Variants in NCKAP1 observed in about 807,000 individuals in gnomAD.
NCKAP1 encodes the protein nck-associated protein 1.
Under a neutral mutation model 151.2 loss-of-function variants are expected in NCKAP1, and 21 were observed. The ratio of observed to expected loss-of-function variants is 0.14; its 90% confidence interval spans 0.10 to 0.20. The LOEUF is 0.20. Ranked by LOEUF, NCKAP1 falls within the 10% of genes least tolerant of loss-of-function variation. NCKAP1 has a pLI of 1.00. For missense variants in NCKAP1, 933 were observed against 1,352.1 expected (o/e 0.69, Z 4.86); for synonymous variants, 484 against 451.8 (o/e 1.07, Z -0.90).
chr2:182,972,604 T>C (rs1168862614), intron 15 of NCKAP1, among the ~76,000 whole-genome samples: 2 of 152,098 alleles, frequency 1.3e-5, no homozygotes, highest in African/African-American at 4.8e-5. Context: ...TGAAGAAGTA[T>C]TTGCACTCCC....
chr2:183,010,343 G>A (rs1270282278), intron 2 of NCKAP1, among the ~76,000 whole-genome samples: 8 of 152,200 alleles, frequency 5.3e-5, no homozygotes, highest in African/African-American at 9.7e-5. Context: ...CTGAGATATC[G>A]TATCACATAG....
chr2:183,020,977 A>C (rs1186376823), intron 2 of NCKAP1, among the ~76,000 whole-genome samples: 1 of 152,222 alleles, frequency 6.6e-6, no homozygotes, highest in East Asian at 1.9e-4. Flanking sequence ...ACAGAGTAGC[A>C]TTACAAAGAA....
At position 182,932,926 on chromosome 2, in the gene NCKAP1, T is replaced by TTGCGC. The variant is rs2105802252; in HGVS notation, c.2859+1825_2859+1826insGCGCA. ...AAGACAATCACTGATCTCAAATGTTTATTCTGCACAAAACACTGTAAGAGA... is the reference window on the plus strand; with the variant it reads ...AAGACAATCACTGATCTCAAATGTTTTGCGCATTCTGCACAAAACACTGTAAGAGA... On this transcript the variant is annotated intron_variant, in intron 26 of 30. Transcript: ENST00000361354. Among the ~76,000 whole-genome samples the TTGCGC allele has an allele frequency of 2.6e-5, 4 of 152,292 alleles. No homozygotes were observed. In the South Asian group the frequency reaches 8.3e-4, roughly 32 times the overall value.
At chr2:182,987,597 G>A (rs563166674) in intron 9 of NCKAP1, among the ~76,000 whole-genome samples, 1 of 152,190 alleles carries the variant, frequency 6.6e-6, no homozygotes, top group South Asian at 2.1e-4. Context: ...TCAATATACA[G>A]AGGCTAACTG....
rs1407327759 is a variant in NCKAP1, at chr2:183,032,366, T to C, written c.108+5626A>G. ...ATTACTATTTTATACTCTAACACAG[T>C]CATGCATTGCTTAATGTCATCAGAT... is the stretch of plus-strand genomic sequence containing the variant. On this transcript the variant is annotated intron_variant, in intron 1 of 30. Coordinates refer to ENST00000361354, the MANE Select transcript of NCKAP1 (RefSeq NM_013436.5). Among the ~76,000 whole-genome samples the C allele has an allele frequency of 2.6e-5, 4 of 152,216 alleles. 1 individual carries two copies.
intron 15 of NCKAP1, 45 bp from the exon 16 acceptor site, chr2:182,967,406 G>A (rs889110487): frequency 2.0e-6 from 3 of 1,509,196 alleles, no homozygotes; most frequent in South Asian, 1.2e-5. Flanking sequence ...AAACATAAAT[G>A]ACTTCGGACT....
At chr2:182,991,527 C>A (rs1698170613) in intron 8 of NCKAP1, among the ~76,000 whole-genome samples, 2 of 151,612 alleles carry the variant, frequency 1.3e-5, no homozygotes, top group Non-Finnish European at 2.9e-5. Flanking sequence ...CCACTGCACT[C>A]CAGCCTGGGT....
Position 183,002,203 on chromosome 2 carries a change from G to C in NCKAP1, c.436C>G (p.Leu146Val). 2 of 1,584,844 alleles carry C rather than the reference G, an allele frequency of 1.3e-6. No homozygotes were observed. The highest frequency in any genetic ancestry group is 1.7e-6 in the Non-Finnish European group (2 of 1,153,674). Residue 146 changes from leucine to valine, a missense_variant, in exon 5 of 31, where the codon CTG becomes GTG. Physicochemically the swap from Leu to Val is conservative, Grantham distance 32. Transcript: ENST00000361354. ...LIITYTTLMILLSRIEERKAI... is the reference protein window; with the variant it reads ...LIITYTTLMIVLSRIEERKAI... ...TTCCTTTCTTCAATTCGAGACAGCA[G>C]TATCATTAGTGTTGTATAGGTTATA...
Position 182,988,912 on chromosome 2 carries a change from T to C in NCKAP1, c.947+118A>G, listed in dbSNP as rs563299858. 3.3e-5 allele frequency: 24 copies of C among 729,438 alleles called. No homozygotes were observed. In the African/African-American group the frequency reaches 3.8e-4, roughly 11 times the overall value. The allele number at this position is 729,438 out of a possible 1,614,324, so 45.2% of individuals were successfully genotyped here. A position where few individuals can be genotyped will look rare whatever the true frequency, so the allele number is the denominator to read the frequency against. The stretch of plus-strand genomic sequence containing the variant: ...ACAACTTCCTGGGATCCAAGTCAGA[T>C]GGTATAGGCTGTATCTTCCTGCACA... On this transcript the variant is annotated intron_variant, in intron 9 of 30. Coordinates refer to ENST00000361354, the MANE Select transcript of NCKAP1 (RefSeq NM_013436.5).
At chr2:182,980,936 T>C (rs1697925015) in intron 13 of NCKAP1, among the ~76,000 whole-genome samples, 1 of 152,118 alleles carries the variant, frequency 6.6e-6, no homozygotes, top group Non-Finnish European at 1.5e-5. Flanking sequence ...GTACACCTGA[T>C]TTATGATTAA....
intron 23 of NCKAP1, among the ~76,000 whole-genome samples, chr2:182,951,511 A>C (rs2105820921): frequency 6.6e-6 from 1 of 151,964 alleles, no homozygotes; most frequent in African/African-American, 2.4e-5. Context: ...TCTACTAAAA[A>C]TACAAAAATA....
intron 23 of NCKAP1, among the ~76,000 whole-genome samples, chr2:182,946,310 G>C (rs988695431): frequency 6.6e-6 from 1 of 152,182 alleles, no homozygotes; most frequent in Non-Finnish European, 1.5e-5. Flanking sequence ...TGAGCCAGGA[G>C]AATGGCGTGA....
chr2:183,028,957 C>CAAAA (rs10629607), intron 1 of NCKAP1, among the ~76,000 whole-genome samples: 2 of 144,326 alleles, frequency 1.4e-5, no homozygotes, highest in Non-Finnish European at 3.0e-5. Context: ...ACTAAAAATA[C>CAAAA]AAAAAAAAAA....
At chr2:183,020,530 T>C (rs72888478) in intron 2 of NCKAP1, among the ~76,000 whole-genome samples, 3,756 of 151,828 alleles carry the variant, frequency 0.025, 74 homozygotes, top group Non-Finnish European at 0.04. Flanking sequence ...AATCTGTTTT[T>C]ATGAGTACCT....
chr2:182,911,313 G>A lies in NCKAP1; in HGVS notation c.*14389C>T, dbSNP rs1421621606. 1.3e-5 allele frequency: 2 copies of A among 152,086 alleles called. No individual in the cohort carries two copies. The highest frequency in any genetic ancestry group is 4.8e-5 in the African/African-American group (2 of 41,410). The allele number at this position is 152,086 out of a possible 1,614,324, so 9.4% of individuals were successfully genotyped here. A position where few individuals can be genotyped will look rare whatever the true frequency, so the allele number is the denominator to read the frequency against. On this transcript the variant is annotated 3_prime_UTR_variant, in exon 31 of 31. Coordinates refer to ENST00000361354, the MANE Select transcript of NCKAP1 (RefSeq NM_013436.5). ...TCTGCTTCACCTTTTGATGTCAGAG[G>A]GCTGAAAATCCCACCCTTGGATCAT...
intron 2 of NCKAP1, among the ~76,000 whole-genome samples, chr2:183,007,696 A>G (rs934019367): frequency 2.0e-5 from 3 of 152,072 alleles, no homozygotes; most frequent in South Asian, 2.1e-4. Flanking sequence ...TTTGGTTTCA[A>G]GGAATGCTTT....
intron 15 of NCKAP1, among the ~76,000 whole-genome samples, chr2:182,971,218 C>A (rs1014408791): frequency 6.6e-6 from 1 of 151,064 alleles, no homozygotes; most frequent in Admixed American, 6.6e-5. Context: ...AACGGTGAAA[C>A]CCCGTCTCTA....
chr2:182,975,311 T>A (rs886342752), intron 15 of NCKAP1, among the ~76,000 whole-genome samples: 1 of 152,156 alleles, frequency 6.6e-6, no homozygotes, highest in Non-Finnish European at 1.5e-5. Context: ...ACTTCCCTGA[T>A]CTCCCACTAA....
intron 20 of NCKAP1, 131 bp downstream of exon 20, chr2:182,956,331 C>G: frequency 2.5e-6 from 3 of 1,192,412 alleles, no homozygotes; most frequent in East Asian, 5.2e-5. Context: ...TGAGCCACCA[C>G]GCCCGGCCCG....
Sources: gnomAD v4.1 joint callset for allele counts (sites outside exome capture counted in the v4.1 genomes callset) on GRCh38, gnomAD v4.1.1 for gene constraint, MANE v1.5 for transcripts, NCBI Gene and HGNC (gene_info 2026-07-23, HGNC 2026-07-21) for gene names.